Variants in PATL2 observed in about 807,000 individuals in gnomAD.
PATL2 encodes PAT1 homolog 2, also known as protein PAT1 homolog 2.
In PATL2, 73 loss-of-function variants were observed where a neutral mutation model predicts 77.0. The ratio of observed to expected loss-of-function variants is 0.95; its 90% CI spans 0.78 to 1.15. PATL2 has a LOEUF of 1.15. PATL2 is among the 50% of genes most tolerant of loss of function. The pLI, the probability that PATL2 is intolerant of heterozygous loss-of-function variation, is 0.00. For missense variants in PATL2, 618 were observed against 655.4 expected, an observed-to-expected ratio of 0.94 and a Z score of 0.62; for synonymous variants, 265 against 257.1, an observed-to-expected ratio of 1.03 and a Z score of -0.29.
rs986108017 is a variant in PATL2, at chr15:44,708,731, G to A, written c.-76+1365C>T. Reference sequence around the variant, plus strand: ...GTTGATGTATGTTGGATCGTTTCTAGTTTTCAGCTATCACAAATAAAACTG... The same window carrying A: ...GTTGATGTATGTTGGATCGTTTCTAATTTTCAGCTATCACAAATAAAACTG... On this transcript the variant is annotated intron_variant, in intron 3 of 17. Transcript: ENST00000682850. 4.6e-5 allele frequency among the ~76,000 whole-genome samples: 7 copies of A among 152,202 alleles called. No individual in the cohort carries two copies. The South Asian group carries it at 6.2e-4, about 14-fold the overall frequency.
At chr15:44,687,762 TAGAC>T (rs570031327) in intron 3 of PATL2, among the ~76,000 whole-genome samples, 59 of 151,866 alleles carry the variant, frequency 3.9e-4, no homozygotes, top group South Asian at 8.3e-4. Context: ...ACACCAATAA[TAGAC>T]AGAGAGCAAA....
chr15:44,692,927 C>T (rs541569392), intron 3 of PATL2, among the ~76,000 whole-genome samples: 2 of 152,228 alleles, frequency 1.3e-5, no homozygotes, highest in African/African-American at 2.4e-5. Flanking sequence ...GCTAACTCAG[C>T]TCAGTTTGTG....
At chr15:44,676,349 TTAGCAAGTG>T in intron 4 of PATL2, 117 bp downstream of exon 4, 1 of 862,990 alleles carries the variant, frequency 1.2e-6, no homozygotes, top group Non-Finnish European at 1.9e-6. Context: ...TATGATATAA[TTAGCAAGTG>T]GAAGAATTTG....
chr15:44,675,604 T>TC lies in PATL2; in HGVS notation c.103dup (p.Glu35GlyfsTer26). The TC allele has an allele frequency of 6.4e-7, 1 of 1,551,314 alleles. No homozygotes were observed. The highest frequency in any genetic ancestry group is 8.7e-7 in the Non-Finnish European group (1 of 1,146,996). On this transcript the variant is annotated frameshift_variant, in exon 5 of 18. Coordinates refer to ENST00000682850, the MANE Select transcript of PATL2 (RefSeq NM_001387263.1). LOFTEE classifies it high-confidence loss of function. ...CTCGTCCTCCTCCTCTTCCTCCTCC[T>TC]CCCCTTCATTCTCTTCTTCTTTTTC...
At chr15:44,678,308 C>T (rs2086040867) in intron 3 of PATL2, among the ~76,000 whole-genome samples, 1 of 152,174 alleles carries the variant, frequency 6.6e-6, no homozygotes, top group South Asian at 2.1e-4. Flanking sequence ...TAAGGAGAAA[C>T]TTGTTGCATG....
intron 3 of PATL2, among the ~76,000 whole-genome samples, chr15:44,690,221 A>G (rs2086359301): frequency 6.6e-6 from 1 of 152,166 alleles, no homozygotes; most frequent in Admixed American, 6.5e-5. Context: ...AAATGTAAAG[A>G]CGGACCTTCT....
At chr15:44,683,686 T>G in intron 3 of PATL2, among the ~76,000 whole-genome samples, 1 of 152,144 alleles carries the variant, frequency 6.6e-6, no homozygotes, top group East Asian at 1.9e-4. Context: ...ACTTAAACAT[T>G]CCTGCCTGCT....
chr15:44,673,722 C>T (rs1305451348), intron 6 of PATL2, among the ~76,000 whole-genome samples: 1 of 133,662 alleles, frequency 7.5e-6, no homozygotes, highest in African/African-American at 2.9e-5. Flanking sequence ...TCTTTTCTGA[C>T]TCACTCAAAG....
chr15:44,711,267 C>T lies in PATL2; in HGVS notation c.-501G>A. ...AGCCTGAAGTCCTAGAATGAGCGCCCGGTGTCCCAAGCTGGGGCGCGCACC... is the reference window on the plus strand; with the variant it reads ...AGCCTGAAGTCCTAGAATGAGCGCCTGGTGTCCCAAGCTGGGGCGCGCACC... On this transcript the variant is annotated 5_prime_UTR_variant, in exon 1 of 18. Transcript: ENST00000682850. 1.7e-6 allele frequency: 1 copy of T among 578,994 alleles called. No individual in the cohort carries two copies. The highest frequency in any genetic ancestry group is 2.0e-5 in the South Asian group (1 of 50,358). The allele number at this position is 578,994 out of a possible 1,614,324, so 35.9% of individuals were successfully genotyped here.
rs1180202653 is a variant in PATL2 at position 44,672,083 on chromosome 15, A to G, written c.589T>C (p.Trp197Arg). ...ANLMTRKEKD[W>R]VIKVQMVQLQ... ...TGCACCATCTGCACTTTTATCACCC[A>G]GTCCTTCTCTTTTCTGGTCATGAGG... Residue 197 changes from tryptophan to arginine, a missense_variant, in exon 9 of 18, where the codon TGG becomes CGG. Transcript: ENST00000682850. 1.3e-6 allele frequency: 2 copies of G among 1,551,690 alleles called. 1 individual carries two copies. Among genetic ancestry groups the G allele is most frequent in the South Asian group, 2.4e-5 (2 of 84,068 alleles).
At chr15:44,687,747 C>T (rs1003479068) in intron 3 of PATL2, among the ~76,000 whole-genome samples, 6 of 152,132 alleles carry the variant, frequency 3.9e-5, no homozygotes, top group African/African-American at 1.4e-4. Flanking sequence ...CACAAGCATT[C>T]CTATACACCA....
chr15:44,673,503 T>C (rs1190323067), intron 6 of PATL2, 126 bp from the exon 7 acceptor site: 6 of 1,275,670 alleles, frequency 4.7e-6, no homozygotes, highest in Non-Finnish European at 6.5e-6. Context: ...TTGTGCCATC[T>C]TGTGAGTCCC....
intron 3 of PATL2, among the ~76,000 whole-genome samples, chr15:44,687,950 C>T (rs1333298134): frequency 1.3e-5 from 2 of 152,128 alleles, no homozygotes; most frequent in Non-Finnish European, 2.9e-5. Flanking sequence ...TAGGAAGAAT[C>T]AATATCGTGA....
Position 44,672,041 on chromosome 15 carries a change from G to T in PATL2, c.631C>A (p.Pro211Thr). 1.0e-5 allele frequency: 16 copies of T among 1,551,686 alleles called. No individual in the cohort carries two copies. The highest frequency in any genetic ancestry group is 2.4e-5 in the East Asian group (1 of 40,922). Residue 211 changes from proline to threonine, a missense_variant, in exon 9 of 18, where the codon CCC (proline) becomes ACC (threonine). Transcript: ENST00000682850. Reference sequence around the variant, plus strand: ...TGGTAATAGTAGTCATCCAGGCGGGGTTTTGCACTCTGCAGCTGCACCATC... The same window carrying T: ...TGGTAATAGTAGTCATCCAGGCGGGTTTTTGCACTCTGCAGCTGCACCATC... ...VQMVQLQSAKPRLDDYYYQEY... is the reference protein window; with the variant it reads ...VQMVQLQSAKTRLDDYYYQEY...
chr15:44,686,674 G>A (rs1029113709), intron 3 of PATL2, among the ~76,000 whole-genome samples: 2 of 151,684 alleles, frequency 1.3e-5, no homozygotes, highest in African/African-American at 2.4e-5. Flanking sequence ...TAATAAAGAA[G>A]AAAAGAGAGA....
intron 3 of PATL2, among the ~76,000 whole-genome samples, chr15:44,696,500 T>G (rs2086505924): frequency 6.6e-6 from 1 of 152,210 alleles, no homozygotes; most frequent in Non-Finnish European, 1.5e-5. Context: ...ACATCAAGCT[T>G]ATATAATTTT....
chr15:44,666,336 A>T, intron 17 of PATL2, 56 bp downstream of exon 17: 2 of 1,539,980 alleles, frequency 1.3e-6, no homozygotes, highest in Non-Finnish European at 1.8e-6. Context: ...AGCAAGTAAC[A>T]GAACATAGAT....
At chr15:44,671,912 C>A (rs2085700114) in intron 9 of PATL2, 103 bp downstream of exon 9, 2 of 1,394,260 alleles carry the variant, frequency 1.4e-6, no homozygotes, top group Non-Finnish European at 9.7e-7. Flanking sequence ...CCCACCTGAA[C>A]AGACATGACC....
At chr15:44,694,059 T>C (rs967047798) in intron 3 of PATL2, among the ~76,000 whole-genome samples, 4 of 152,200 alleles carry the variant, frequency 2.6e-5, no homozygotes, top group African/African-American at 9.6e-5. Flanking sequence ...AAAATATCAA[T>C]ATTTTATTAC....
Sources: gnomAD v4.1 joint callset for allele counts (sites outside exome capture counted in the v4.1 genomes callset) on GRCh38, gnomAD v4.1.1 for gene constraint, MANE v1.5 for transcripts, NCBI Gene and HGNC (gene_info 2026-07-23, HGNC 2026-07-21) for gene names.